Variants in AGAP5 observed in about 807,000 individuals in gnomAD.
AGAP5 encodes the protein arf-GAP with GTPase, ANK repeat and PH domain-containing protein 5.
A neutral mutation model predicts 27.7 loss-of-function variants in AGAP5; 8 were observed. The ratio of observed to expected loss-of-function variants is 0.29; its 90% confidence interval spans 0.17 to 0.52. The LOEUF is 0.52. Among genes scored for constraint, AGAP5 ranks in the 20% least tolerant of loss-of-function variants. The pLI is 0.97. For missense variants in AGAP5, 285 were observed against 880.8 expected (o/e 0.32, Z 8.56); for synonymous variants, 111 against 338.0 (o/e 0.33, Z 7.37).
At chr10:73,686,729 T>C (rs1430694756) in intron 4 of AGAP5, among the ~76,000 whole-genome samples, 2 of 152,122 alleles carry the variant, frequency 1.3e-5, no homozygotes, top group East Asian at 3.8e-4. Context: ...CAAATGCCCA[T>C]CAATCAATGA....
intron 4 of AGAP5, among the ~76,000 whole-genome samples, chr10:73,686,280 A>G (rs1330839131): frequency 1.3e-5 from 2 of 152,192 alleles, no homozygotes; most frequent in African/African-American, 2.4e-5. Context: ...ATTTTCAACA[A>G]AGCCACCTAA....
rs924894270 is a variant in AGAP5 at position 73,674,413 on chromosome 10, C to A, written c.*186G>T. 2 of 1,106,688 alleles carry A rather than the reference C, an allele frequency of 1.8e-6. No individual in the cohort carries two copies. Among genetic ancestry groups the A allele is most frequent in the Admixed American group, 2.6e-5 (1 of 38,136 alleles). The allele number at this position is 1,106,688 out of a possible 1,614,324, so 68.6% of individuals were successfully genotyped here. ...CCTGAGACTAACACATCCACCTTGGCAAAAGGACATAAAATATGTCTTATG... is the reference window on the plus strand; with the variant it reads ...CCTGAGACTAACACATCCACCTTGGAAAAAGGACATAAAATATGTCTTATG... On this transcript the variant is annotated 3_prime_UTR_variant, in exon 8 of 8. Coordinates refer to ENST00000374094, the MANE Select transcript of AGAP5 (RefSeq NM_001144000.4).
intron 4 of AGAP5, among the ~76,000 whole-genome samples, chr10:73,685,975 T>C (rs903052674): frequency 2.6e-5 from 4 of 152,162 alleles, no homozygotes; most frequent in African/African-American, 7.2e-5. Flanking sequence ...AAAATGACCA[T>C]ACTGCCAAAA....
intron 4 of AGAP5, among the ~76,000 whole-genome samples, chr10:73,691,524 G>A (rs916780588): frequency 6.4e-5 from 9 of 140,976 alleles, no homozygotes; most frequent in African/African-American, 1.3e-4. Flanking sequence ...ACGGAGTTTC[G>A]CTCTGTTGCC....
At chr10:73,695,077 A>T (rs2082150184) in intron 2 of AGAP5, among the ~76,000 whole-genome samples, 1 of 145,314 alleles carries the variant, frequency 6.9e-6, no homozygotes, top group South Asian at 2.1e-4. Flanking sequence ...CCTTTATTTA[A>T]AAAAAAAAAA....
At chr10:73,693,484 G>A (rs1401004115) in intron 3 of AGAP5, among the ~76,000 whole-genome samples, 1 of 144,862 alleles carries the variant, frequency 6.9e-6, no homozygotes, top group Non-Finnish European at 1.5e-5. Context: ...GATCACTTGA[G>A]GTCAGGAGTT....
chr10:73,690,203 G>T (rs1384826874), intron 4 of AGAP5, among the ~76,000 whole-genome samples: 1 of 152,272 alleles, frequency 6.6e-6, no homozygotes, highest in Non-Finnish European at 1.5e-5. Context: ...AAATCGGATG[G>T]TTGCCGTGTC....
rs1302135254 is a variant in AGAP5 at position 73,675,119 on chromosome 10, G to C, written c.1541C>G (p.Ser514Cys). 6.2e-7 allele frequency: 1 copy of C among 1,611,102 alleles called. No individual in the cohort carries two copies. Among genetic ancestry groups the C allele is most frequent in the East Asian group, 2.2e-5 (1 of 44,864 alleles). ...ATCCAGCTCCAGAGATCGCACACGGGAAAGGCGGGTGCCAAGACTGCGGTG... is the reference window on the plus strand; with the variant it reads ...ATCCAGCTCCAGAGATCGCACACGGCAAAGGCGGGTGCCAAGACTGCGGTG... ...GIHRSLGTRL[S>C]RVRSLELDDW... The change falls in exon 8 of 8, where the codon TCC becomes TGC. Residue 514 changes from serine to cysteine, a missense_variant. Ser to Cys is a moderately radical substitution (Grantham distance 112). Transcript: ENST00000374094.
intron 3 of AGAP5, among the ~76,000 whole-genome samples, chr10:73,692,564 AAT>A (rs1244399892): frequency 6.6e-6 from 1 of 152,038 alleles, no homozygotes; most frequent in Non-Finnish European, 1.5e-5. Flanking sequence ...GTTATCTACT[AAT>A]ATGTCACTAA....
chr10:73,685,752 C>A (rs2082058302), intron 4 of AGAP5, among the ~76,000 whole-genome samples: 2 of 151,966 alleles, frequency 1.3e-5, no homozygotes, highest in African/African-American at 4.8e-5. Context: ...GGGGTTTCAC[C>A]ATGTTGGCCT....
Position 73,687,976 on chromosome 10 carries a change from C to T in AGAP5, c.396+4067G>A, listed in dbSNP as rs536676555. Among the ~76,000 whole-genome samples the T allele has an allele frequency of 1.3e-3, 200 of 152,028 alleles. 1 individual carries two copies. The highest frequency in any genetic ancestry group is 2.4e-3 in the Non-Finnish European group (166 of 67,994). ...GAACTAAAGGCAGGTTGTGAACTTA[C>T]AGGCAAATGGCACTTTGGAAAGCAG... is the stretch of plus-strand genomic sequence containing the variant. On this transcript the variant is annotated intron_variant, in intron 4 of 7. Transcript: ENST00000374094.
chr10:73,687,797 G>A (rs1031898232), intron 4 of AGAP5, among the ~76,000 whole-genome samples: 4 of 152,014 alleles, frequency 2.6e-5, no homozygotes, highest in Admixed American at 2.6e-4. Flanking sequence ...TAAAATAAAG[G>A]TTACACCCAT....
chr10:73,691,492 C>CTT (rs770330986), intron 4 of AGAP5, among the ~76,000 whole-genome samples: 12 of 132,862 alleles, frequency 9.0e-5, no homozygotes, highest in Admixed American at 1.5e-4. Context: ...ATTTAAGGCA[C>CTT]TTTTTTTTTT....
chr10:73,688,958 T>TCCTCTGCCTCTGCTG (rs1270660346), intron 4 of AGAP5, among the ~76,000 whole-genome samples: 4 of 152,040 alleles, frequency 2.6e-5, no homozygotes, highest in Admixed American at 6.5e-5. Context: ...CTCCTCTGTC[T>TCCTCTGCCTCTGCTG]CCTCTGCCTC....
Position 73,694,745 on chromosome 10 carries a change from G to C in AGAP5, c.352C>G (p.Gln118Glu), listed in dbSNP as rs2082146940. Reference sequence around the variant, plus strand: ...AACAATGTTGTCTCACCATCTGTTTGAGAGTTCCTCTGGAATATTGTGCTT... The same window carrying C: ...AACAATGTTGTCTCACCATCTGTTTCAGAGTTCCTCTGGAATATTGTGCTT... ...EASTIFQRNS[Q>E]TDVVEIRRSN... is the part of the protein sequence containing the mutation. The change falls in exon 3 of 8, where the codon CAA (glutamine) becomes GAA (glutamate). Residue 118 changes from glutamine to glutamate, a missense_variant. Transcript: ENST00000374094. 1 of 1,597,794 alleles carries C rather than the reference G, an allele frequency of 6.3e-7. No individual in the cohort carries two copies. The highest frequency in any genetic ancestry group is 1.1e-5 in the South Asian group (1 of 90,980).
intron 4 of AGAP5, among the ~76,000 whole-genome samples, chr10:73,686,838 A>G (rs1249709496): frequency 6.6e-6 from 1 of 152,232 alleles, no homozygotes; most frequent in African/African-American, 2.4e-5. Flanking sequence ...AGCAACCTCG[A>G]TGGAAGTAAG....
chr10:73,694,848 A>C, intron 2 of AGAP5, 44 bp from the exon 3 acceptor site: 1 of 1,597,300 alleles, frequency 6.3e-7, no homozygotes, highest in South Asian at 1.1e-5. Flanking sequence ...GTAATCATTG[A>C]TAAAAATTTA....
chr10:73,689,891 C>G (rs1195880837), intron 4 of AGAP5, among the ~76,000 whole-genome samples: 1 of 150,436 alleles, frequency 6.6e-6, no homozygotes. Context: ...CCAGCCGCCC[C>G]GTCCGGGAGG....
chr10:73,689,928 C>T (rs1372623208), intron 4 of AGAP5, among the ~76,000 whole-genome samples: 2 of 151,800 alleles, frequency 1.3e-5, no homozygotes, highest in African/African-American at 4.8e-5. Flanking sequence ...CCGGCCGCCC[C>T]TACTGGGAAG....
Sources: allele counts gnomAD v4.1 joint callset (sites outside exome capture counted in the v4.1 genomes callset), GRCh38; gene constraint gnomAD v4.1.1; transcripts MANE v1.5; gene names NCBI Gene and HGNC (gene_info 2026-07-23, HGNC 2026-07-21).